PREX2: variants seen among roughly 807,000 people sequenced by gnomAD.
PREX2 encodes phosphatidylinositol 3,4,5-trisphosphate-dependent Rac exchanger 2 protein.
A neutral mutation model predicts 203.2 loss-of-function variants in PREX2; 107 were observed. The ratio of observed to expected loss-of-function variants is 0.53; its 90% CI spans 0.45 to 0.62. PREX2 has a LOEUF of 0.62. PREX2 is among the 20% of genes least tolerant of loss of function. PREX2 has a pLI of 0.00. For missense variants in PREX2, 1,777 were observed against 1,955.9 expected, an observed-to-expected ratio of 0.91 and a Z score of 1.72; for synonymous variants, 672 against 663.6, an observed-to-expected ratio of 1.01 and a Z score of -0.19.
chr8:68,119,290 C>A, intron 27 of PREX2, 142 bp from the exon 28 acceptor site: 1 of 570,892 alleles, frequency 1.8e-6, no homozygotes, highest in Non-Finnish European at 3.1e-6. Flanking sequence ...TTTTGGAACT[C>A]TTTCTCTGAA....
At chr8:68,069,981 G>GT (rs1336851799) in intron 13 of PREX2, 97 bp downstream of exon 13, 84 of 604,372 alleles carry the variant, frequency 1.4e-4, no homozygotes, top group Middle Eastern at 4.3e-4. Context: ...GGCTTATTTT[G>GT]TTTTTTTTCA....
chr8:68,154,468 T>A (rs1448148067), intron 34 of PREX2, among the ~76,000 whole-genome samples: 1 of 152,252 alleles, frequency 6.6e-6, no homozygotes, highest in Non-Finnish European at 1.5e-5. Context: ...GGAATTTTAC[T>A]CTAATACATC....
chr8:68,187,413 A>G (rs1812211137), intron 35 of PREX2, among the ~76,000 whole-genome samples: 1 of 152,194 alleles, frequency 6.6e-6, no homozygotes, highest in Non-Finnish European at 1.5e-5. Flanking sequence ...TCATGGCTAA[A>G]AATTGTCCAA....
At chr8:68,016,236 T>C (rs16934005) in intron 1 of PREX2, among the ~76,000 whole-genome samples, 1,847 of 152,332 alleles carry the variant, frequency 0.012, 28 homozygotes, top group African/African-American at 0.037. Context: ...CTACTTTTTT[T>C]TCAACATTAG....
Position 68,211,347 on chromosome 8 carries a change from T to G in PREX2, c.4605-6269T>G, listed in dbSNP as rs142145834. Among the ~76,000 whole-genome samples, 161 of 152,362 alleles carry G rather than the reference T, an allele frequency of 1.1e-3. 1 individual carries two copies. The highest frequency in any genetic ancestry group is 3.6e-3 in the African/African-American group (151 of 41,592). ...ATCATAATTTACTCCAGGTTTACTT[T>G]AATGAACATCTCTTTAGAATAAAAA... is the stretch of plus-strand genomic sequence containing the variant. On this transcript the variant is annotated intron_variant, in intron 37 of 39. Transcript: ENST00000288368.
intron 1 of PREX2, among the ~76,000 whole-genome samples, chr8:67,972,886 T>C (rs1563477691): frequency 6.6e-6 from 1 of 152,178 alleles, no homozygotes; most frequent in Non-Finnish European, 1.5e-5. Context: ...ATTGTATGTC[T>C]CACTTTTGCC....
intron 35 of PREX2, among the ~76,000 whole-genome samples, chr8:68,161,952 G>A (rs1379716946): frequency 1.3e-5 from 2 of 152,216 alleles, no homozygotes; most frequent in Non-Finnish European, 2.9e-5. Flanking sequence ...GCAAGAAGGA[G>A]CAAGTCACAT....
At chr8:68,228,659 G>A (rs1311531112) in intron 39 of PREX2, among the ~76,000 whole-genome samples, 1 of 151,928 alleles carries the variant, frequency 6.6e-6, no homozygotes, top group African/African-American at 2.4e-5. Flanking sequence ...CCAGCTACTC[G>A]GGAGGCTGAG....
intron 5 of PREX2, 85 bp downstream of exon 5, chr8:68,027,408 G>A (rs1807759811): frequency 9.1e-6 from 8 of 882,648 alleles, no homozygotes; most frequent in Non-Finnish European, 1.5e-5. Flanking sequence ...ATTTTAATGA[G>A]TCTGATATTC....
chr8:68,105,285 C>T (rs201661309), intron 23 of PREX2: 113 of 1,367,600 alleles, frequency 8.3e-5, no homozygotes, highest in Non-Finnish European at 1.0e-4. Flanking sequence ...AGGAATATCC[C>T]AGGATGGAAG....
At chr8:68,088,397 C>T (rs977995150) in intron 19 of PREX2, among the ~76,000 whole-genome samples, 1 of 152,122 alleles carries the variant, frequency 6.6e-6, no homozygotes, top group Non-Finnish European at 1.5e-5. Flanking sequence ...ACTGTCAGAT[C>T]CCACATTACT....
At chr8:68,160,672 A>G (rs1811636192) in intron 35 of PREX2, among the ~76,000 whole-genome samples, 1 of 152,188 alleles carries the variant, frequency 6.6e-6, no homozygotes. Flanking sequence ...AAAGGTTTAA[A>G]ACATTTGTTC....
In PREX2 at chr8:68,134,077, G is replaced by A. The variant is rs769708831; in HGVS notation, c.3785G>A (p.Arg1262His). The A allele has an allele frequency of 1.1e-5, 18 of 1,613,826 alleles. No homozygotes were observed. The African/African-American group carries it at 1.2e-4, about 11-fold the overall frequency. Reference sequence around the variant, plus strand: ...ATCACAGATAGTGAGACACAGCTCCGTAGAGACATGGTTTTCTGCCAGACT... The same window carrying A: ...ATCACAGATAGTGAGACACAGCTCCATAGAGACATGGTTTTCTGCCAGACT... ...LEYSDSETQL[R>H]RDMVFCQTLV... Residue 1262 changes from arginine (R) to histidine (H), a missense_variant, in exon 32 of 40, where the codon CGT becomes CAT. Physicochemically the swap from Arg to His is conservative, Grantham distance 29. Transcript: ENST00000288368.
chr8:68,138,698 A>G (rs547365440), intron 33 of PREX2, among the ~76,000 whole-genome samples, 181 bp downstream of exon 33: 2 of 152,314 alleles, frequency 1.3e-5, no homozygotes, highest in African/African-American at 2.4e-5. Flanking sequence ...ATATATTCAG[A>G]TAAGTAGCAA....
Position 68,183,965 on chromosome 8 carries a change from C to CA in PREX2, c.4347-7755dup, listed in dbSNP as rs1156710135. On this transcript the variant is annotated intron_variant, in intron 35 of 39. Coordinates refer to ENST00000288368, the MANE Select transcript of PREX2 (RefSeq NM_024870.4). ...AGCTGTTAATTGGTAATAGGCAGTT[C>CA]AATGACAACTGTGACCCTAGGTGCT... Among the ~76,000 whole-genome samples the CA allele has an allele frequency of 2.6e-5, 4 of 152,236 alleles. No individual in the cohort carries two copies. The East Asian group carries it at 5.8e-4, about 22-fold the overall frequency.
At chr8:68,189,154 G>C (rs1392297835) in intron 35 of PREX2, among the ~76,000 whole-genome samples, 1 of 152,168 alleles carries the variant, frequency 6.6e-6, no homozygotes, top group Non-Finnish European at 1.5e-5. Context: ...GTGCATAAGT[G>C]GGTTTTCACA....
rs1024585612 is a variant in PREX2 at position 68,223,478 on chromosome 8, C to T, written c.4708-1081C>T. On this transcript the variant is annotated intron_variant, in intron 38 of 39. Coordinates refer to ENST00000288368, the MANE Select transcript of PREX2 (RefSeq NM_024870.4). ...TAATTGCAATTCCTAAATTTCTTCC[C>T]ACCTTTCTTTTTGATGCCACACCCC... The T allele has an allele frequency of 1.9e-4, 29 of 152,082 alleles. 1 individual carries two copies. The allele number at this position is 152,082 out of a possible 1,614,324, so 9.4% of individuals were successfully genotyped here.
chr8:68,132,991 T>G (rs1340238608), intron 31 of PREX2, among the ~76,000 whole-genome samples: 1 of 152,120 alleles, frequency 6.6e-6, no homozygotes, highest in African/African-American at 2.4e-5. Context: ...ATTTTCTCAC[T>G]GCTATAAAGA....
chr8:68,043,214 T>G (rs550062184), intron 7 of PREX2, among the ~76,000 whole-genome samples: 1 of 152,252 alleles, frequency 6.6e-6, no homozygotes, highest in Non-Finnish European at 1.5e-5. Flanking sequence ...TGCTTACTAA[T>G]GAAGAACATT....
Sources: gnomAD v4.1 joint callset for allele counts (sites outside exome capture counted in the v4.1 genomes callset) on GRCh38, gnomAD v4.1.1 for gene constraint, MANE v1.5 for transcripts, NCBI Gene and HGNC (gene_info 2026-07-23, HGNC 2026-07-21) for gene names.